The following CR2 variants were observed in gnomAD, a reference collection of about 807,000 sequenced individuals.
CR2 encodes the protein complement receptor type 2.
Under a neutral mutation model 123.0 loss-of-function variants are expected in CR2, and 96 were observed. The observed-to-expected ratio is 0.78, with a 90% CI of 0.66 to 0.93. The LOEUF (loss-of-function observed/expected upper bound fraction) is 0.93, where lower values mean the gene tolerates loss of function less well. Ranked by LOEUF, CR2 falls within the 40% of genes least tolerant of loss-of-function variation. CR2 has a pLI of 0.00. For missense variants in CR2, 1,258 were observed against 1,361.0 expected, an observed-to-expected ratio of 0.92 and a Z score of 1.19; for synonymous variants, 484 against 469.5, an observed-to-expected ratio of 1.03 and a Z score of -0.40.
intron 12 of CR2, 41 bp downstream of exon 12, chr1:207,473,926 T>G (rs749674147): frequency 4.4e-6 from 7 of 1,578,180 alleles, no homozygotes; most frequent in Non-Finnish European, 6.1e-6. Flanking sequence ...GGTCTCAACC[T>G]TGTTTTGTGG....
chr1:207,466,929 A>G lies in CR2; in HGVS notation c.445+17A>G, dbSNP rs145095346. On this transcript the variant is annotated intron_variant, in intron 2 of 19. Transcript: ENST00000367057. Reference sequence around the variant, plus strand: ...GTGTAAGTGGTGAGTATGAAAAGAAAGCTGGGTTGGGAGGTTGGGGTCTTG... The same window carrying G: ...GTGTAAGTGGTGAGTATGAAAAGAAGGCTGGGTTGGGAGGTTGGGGTCTTG... 1.4e-3 allele frequency: 2,148 copies of G among 1,567,046 alleles called. 28 individuals are homozygous for G. In the African/African-American group the frequency reaches 0.026, roughly 19 times the overall value.
intron 13 of CR2, 50 bp downstream of exon 13, chr1:207,474,373 G>C (rs748558677): frequency 1.5e-6 from 2 of 1,345,172 alleles, no homozygotes; most frequent in Non-Finnish European, 2.1e-6. Context: ...GGATTAGAGA[G>C]GGCAGGCCAC....
rs143079233 is a variant in CR2 at position 207,460,949 on chromosome 1, A to G, written c.59-5577A>G. Reference sequence around the variant, plus strand: ...AGGCATTAACGGTTTAATAGCTAAGATAGTTATGTAAATTCATTAAAGTAA... The same window carrying G: ...AGGCATTAACGGTTTAATAGCTAAGGTAGTTATGTAAATTCATTAAAGTAA... On this transcript the variant is annotated intron_variant, in intron 1 of 19. Coordinates refer to ENST00000367057, the MANE Select transcript of CR2 (RefSeq NM_001006658.3). 4.6e-3 allele frequency among the ~76,000 whole-genome samples: 705 copies of G among 152,256 alleles called. 3 individuals are homozygous for G. Among genetic ancestry groups the G allele is most frequent in the African/African-American group, 0.012 (507 of 41,550 alleles).
At position 207,454,763 on chromosome 1, in the gene CR2, G is replaced by A. The variant is rs1657788918; in HGVS notation, c.58+287G>A. On this transcript the variant is annotated intron_variant, in intron 1 of 19. Transcript: ENST00000367057. The surrounding 1 kb of genome is among the most constrained non-coding windows in gnomAD (Gnocchi z 4.3). The stretch of plus-strand genomic sequence containing the variant: ...GGCGTGCGGGTGCTCGCGGTCTCCT[G>A]CCGGGCTCCCCGCCCCCAGGATTCT... The A allele has an allele frequency of 5.4e-6, 2 of 372,478 alleles. No individual in the cohort carries two copies. Among genetic ancestry groups the A allele is most frequent in the South Asian group, 1.1e-4 (2 of 17,572 alleles). 23.1% of individuals were successfully genotyped at this position (372,478 alleles called of 1,614,324 possible). A position where few individuals can be genotyped will look rare whatever the true frequency, so the allele number is the denominator to read the frequency against.
At chr1:207,484,054 A>T (rs781010327) in intron 18 of CR2, among the ~76,000 whole-genome samples, 1 of 152,198 alleles carries the variant, frequency 6.6e-6, no homozygotes, top group Non-Finnish European at 1.5e-5. Context: ...TCCTCATAGG[A>T]AGTCACAAGA....
intron 1 of CR2, among the ~76,000 whole-genome samples, chr1:207,463,436 G>T (rs1184248990): frequency 6.6e-6 from 1 of 152,148 alleles, no homozygotes; most frequent in Non-Finnish European, 1.5e-5. Flanking sequence ...AGAAGAGAAG[G>T]AAGTTTTGGC....
intron 6 of CR2, 70 bp from the exon 7 acceptor site, chr1:207,470,670 T>A (rs1030387312): frequency 1.8e-5 from 27 of 1,459,932 alleles, no homozygotes; most frequent in Non-Finnish European, 7.7e-6. Context: ...AATATCAATT[T>A]CTTTGGCTCA....
At chr1:207,469,638 C>A (rs1307717980) in intron 5 of CR2, 57 bp from the exon 6 acceptor site, 63 of 1,487,568 alleles carry the variant, frequency 4.2e-5, no homozygotes, top group Non-Finnish European at 5.4e-5. Context: ...GCATCTGGGG[C>A]ATTCTTTGTT....
intron 18 of CR2, among the ~76,000 whole-genome samples, chr1:207,482,416 A>G (rs1451394154): frequency 6.6e-6 from 1 of 152,150 alleles, no homozygotes; most frequent in African/African-American, 2.4e-5. Flanking sequence ...TAGTATATAC[A>G]TGCATGGCTT....
chr1:207,473,335 G>A (rs1464152153), intron 10 of CR2, among the ~76,000 whole-genome samples, 156 bp downstream of exon 10: 1 of 152,184 alleles, frequency 6.6e-6, no homozygotes, highest in East Asian at 1.9e-4. Flanking sequence ...TGTTGTGTGT[G>A]TGCATGCAAA....
chr1:207,468,372 C>T (rs893515830), intron 2 of CR2, 155 bp from the exon 3 acceptor site: 1 of 685,038 alleles, frequency 1.5e-6, no homozygotes, highest in African/African-American at 1.8e-5. Flanking sequence ...AGCTTATCAG[C>T]TATCATTAGT....
At chr1:207,457,119 G>A (rs996289966) in intron 1 of CR2, among the ~76,000 whole-genome samples, 1 of 152,138 alleles carries the variant, frequency 6.6e-6, no homozygotes, top group East Asian at 1.9e-4. Flanking sequence ...GTACCTGTTT[G>A]TTGTTTGTTC....
In CR2 at chr1:207,466,458, T is replaced by G; in HGVS notation, c.59-68T>G. ...AGTTATGTGATCTATATTTGGATAT[T>G]TTACCTACATTTGAATATTTTCTCA... On this transcript the variant is annotated intron_variant, in intron 1 of 19. Coordinates refer to ENST00000367057, the MANE Select transcript of CR2 (RefSeq NM_001006658.3). 3 of 1,562,134 alleles carry G rather than the reference T, an allele frequency of 1.9e-6. No individual in the cohort carries two copies. The East Asian group carries it at 6.7e-5, about 35-fold the overall frequency.
intron 1 of CR2, among the ~76,000 whole-genome samples, chr1:207,456,905 T>C (rs1185811499): frequency 6.6e-6 from 1 of 152,218 alleles, no homozygotes; most frequent in Non-Finnish European, 1.5e-5. Flanking sequence ...TTGAGCACAA[T>C]TGCACTAGGT....
chr1:207,479,174 G>T, intron 16 of CR2, 83 bp from the exon 17 acceptor site: 1 of 1,089,328 alleles, frequency 9.2e-7, no homozygotes, highest in Admixed American at 1.7e-5. Context: ...GTTGATTTCT[G>T]GGACATTACC....
At position 207,468,787 on chromosome 1, in the gene CR2, G is replaced by A. The variant is rs749158154; in HGVS notation, c.635-13G>A. 7 of 1,613,942 alleles carry A rather than the reference G, an allele frequency of 4.3e-6. No homozygotes were observed. Among genetic ancestry groups the A allele is most frequent in the South Asian group, 2.2e-5 (2 of 91,082 alleles). Reference sequence around the variant, plus strand: ...ATTTGCCATGCATTTCTCATCTTTGGTTTGTTTTTTAGAGGCACGCTGTAA... The same window carrying A: ...ATTTGCCATGCATTTCTCATCTTTGATTTGTTTTTTAGAGGCACGCTGTAA... On this transcript the variant is annotated splice_polypyrimidine_tract_variant and intron_variant, in intron 3 of 19. Transcript: ENST00000367057.
At chr1:207,456,605 C>T (rs183403644) in intron 1 of CR2, among the ~76,000 whole-genome samples, 1 of 152,320 alleles carries the variant, frequency 6.6e-6, no homozygotes, top group Admixed American at 6.5e-5. Context: ...CTAGATTTTA[C>T]TCAAGCCTTC....
rs758311271 is a variant in CR2, at chr1:207,454,471, TC to T, written c.55del (p.Leu19SerfsTer12). 9 of 1,566,102 alleles carry T rather than the reference TC, an allele frequency of 5.7e-6. No homozygotes were observed. Among genetic ancestry groups the T allele is most frequent in the Non-Finnish European group, 7.8e-6 (9 of 1,161,034 alleles). On this transcript the variant is annotated frameshift_variant, in exon 1 of 20. Coordinates refer to ENST00000367057, the MANE Select transcript of CR2 (RefSeq NM_001006658.3). LOFTEE classifies it high-confidence loss of function. The surrounding 1 kb of genome is among the most constrained non-coding windows in gnomAD (Gnocchi z 4.3). Reference sequence around the variant, plus strand: ...TTCTTGGCTCTCGTCGCACCGGGGGTCCTCGGTGAGCTGGGAGGGGGAGCAC... The same window carrying T: ...TTCTTGGCTCTCGTCGCACCGGGGGTCTCGGTGAGCTGGGAGGGGGAGCAC... ...GVFLALVAPGVLGISCGSPPP... is the reference protein window; with the variant it reads ...GVFLALVAPGXLGISCGSPPP...
In CR2 at chr1:207,466,805, C is replaced by A; in HGVS notation, c.338C>A (p.Ser113Tyr). Residue 113 changes from serine to tyrosine, a missense_variant, in exon 2 of 20, where the codon TCT becomes TAT. Ser to Tyr is a moderately radical substitution (Grantham distance 144). Transcript: ENST00000367057. ...RGSTPYRHGD[S>Y]VTFACKTNFS... ...TCTACACCCTACAGACATGGTGATT[C>A]TGTGACATTTGCCTGTAAAACCAAC... 6.2e-7 allele frequency: 1 copy of A among 1,613,974 alleles called. No individual in the cohort carries two copies. The highest frequency in any genetic ancestry group is 8.5e-7 in the Non-Finnish European group (1 of 1,179,958).
Sources: allele counts gnomAD v4.1 joint callset (sites outside exome capture counted in the v4.1 genomes callset), GRCh38; gene constraint gnomAD v4.1.1; non-coding constraint Gnocchi (gnomAD v3.1); transcripts MANE v1.5; gene names NCBI Gene and HGNC (gene_info 2026-07-23, HGNC 2026-07-21).